SRSF4: variants seen among roughly 807,000 people sequenced by gnomAD.
SRSF4 encodes the protein serine and arginine rich splicing factor 4.
Under a neutral mutation model 48.8 loss-of-function variants are expected in SRSF4, and 12 were observed. The ratio of observed to expected loss-of-function variants is 0.25; its 90% confidence interval spans 0.16 to 0.40. The LOEUF (loss-of-function observed/expected upper bound fraction) is 0.40. Among genes scored for constraint, SRSF4 ranks in the 10% least tolerant of loss-of-function variants. The pLI, the probability that SRSF4 is intolerant of heterozygous loss-of-function variation, is 1.00. For missense variants in SRSF4, 466 were observed against 667.1 expected (o/e 0.70, Z 3.32); for synonymous variants, 248 against 232.5 (o/e 1.07, Z -0.61).
rs771583775 is a variant in SRSF4, at chr1:29,149,185, T to TGGCTCC, written c.704_709dup (p.Arg235_Ser236dup). The TGGCTCC allele has an allele frequency of 3.1e-5, 50 of 1,610,718 alleles. No individual in the cohort carries two copies. In the Middle Eastern group the frequency reaches 5.5e-4, roughly 18 times the overall value. ...CTCTTTCTTGCTCCGGCTCCGACTCTGGCTCCGGCTCCGGCTCTTGCTCCG... is the reference window on the plus strand; with the variant it reads ...CTCTTTCTTGCTCCGGCTCCGACTCTGGCTCCGGCTCCGGCTCCGGCTCTTGCTCCG... On this transcript the variant is annotated inframe_insertion, in exon 6 of 6. Transcript: ENST00000373795.
intron 2 of SRSF4, chr1:29,159,694 C>T: frequency 2.6e-6 from 1 of 386,162 alleles, no homozygotes; most frequent in Non-Finnish European, 4.6e-6. Context: ...TGTAAGTATA[C>T]ATATTCATTA....
At chr1:29,152,085 C>T (rs1183586302) in intron 4 of SRSF4, among the ~76,000 whole-genome samples, 1 of 152,056 alleles carries the variant, frequency 6.6e-6, no homozygotes, top group African/African-American at 2.4e-5. Flanking sequence ...CAAGACCAGC[C>T]TGGGTAACAT....
In SRSF4 at chr1:29,178,518, T is replaced by A. The variant is rs564755083; in HGVS notation, c.107+3128A>T. ...GCCACCATGCCCGGCTACTTTTTTT[T>A]AATTTTTATTTTCATTTTTAGTAGA... On this transcript the variant is annotated intron_variant, in intron 1 of 5. Coordinates refer to ENST00000373795, the MANE Select transcript of SRSF4 (RefSeq NM_005626.5). Among the ~76,000 whole-genome samples, 304 of 152,008 alleles carry A rather than the reference T, an allele frequency of 2.0e-3. 1 individual carries two copies. The highest frequency in any genetic ancestry group is 5.0e-3 in the South Asian group (24 of 4,804).
At chr1:29,151,972 A>G (rs192563598) in intron 4 of SRSF4, among the ~76,000 whole-genome samples, 1 of 152,286 alleles carries the variant, frequency 6.6e-6, no homozygotes, top group East Asian at 1.9e-4. Flanking sequence ...ACCAATTGCA[A>G]AAATACCTAT....
intron 1 of SRSF4, chr1:29,171,310 G>T (rs1028710623): frequency 1.3e-5 from 2 of 150,966 alleles, no homozygotes; most frequent in Non-Finnish European, 2.9e-5. Flanking sequence ...AACAAGCCCG[G>T]AAACCTGAAC....
In SRSF4 at chr1:29,148,762, C is replaced by T. The variant is rs201863361; in HGVS notation, c.1133G>A (p.Arg378Lys). The T allele has an allele frequency of 1.4e-4, 231 of 1,613,642 alleles. 1 individual carries two copies. The East Asian group carries it at 5.1e-3, about 36-fold the overall frequency. Residue 378 changes from arginine to lysine, a missense_variant, in exon 6 of 6, where the codon AGA (arginine) becomes AAA (lysine). Arg to Lys is a conservative substitution (Grantham distance 26). This residue lies in a region of SRSF4 where 402 missense variants were observed against 437.0 expected (regional missense o/e 0.92). Coordinates refer to ENST00000373795, the MANE Select transcript of SRSF4 (RefSeq NM_005626.5). ...GCTGTCTCGCTTGCTGCCTCGCTTT[C>T]TGCTCCTCTCACTCTTGCTGCGGCT... Reference protein sequence around the residue: ...SRSRSKSERSRKRGSKRDSKA... With the variant: ...SRSRSKSERSKKRGSKRDSKA...
rs753305975 is a variant in SRSF4 at position 29,148,732 on chromosome 1, G to A, written c.1163C>T (p.Ala388Val). 22 of 1,613,640 alleles carry A rather than the reference G, an allele frequency of 1.4e-5. No homozygotes were observed. Among genetic ancestry groups the A allele is most frequent in the Non-Finnish European group, 1.8e-5 (21 of 1,179,898 alleles). Residue 388 changes from alanine (A) to valine (V), a missense_variant, in exon 6 of 6, where the codon GCG (alanine) becomes GTG (valine). Physicochemically the swap from Ala to Val is moderately conservative, Grantham distance 64 (BLOSUM62 0). This residue lies in a region of SRSF4 where 402 missense variants were observed against 437.0 expected (regional missense o/e 0.92). Transcript: ENST00000373795. ...RKRGSKRDSK[A>V]GSSKKKKKED... Reference sequence around the variant, plus strand: ...CTTCTTCTTCTTCTTGCTGCTGCCCGCCTTGCTGTCTCGCTTGCTGCCTCG... The same window carrying A: ...CTTCTTCTTCTTCTTGCTGCTGCCCACCTTGCTGTCTCGCTTGCTGCCTCG...
chr1:29,166,671 CTT>C (rs981399427), intron 1 of SRSF4: 2 of 152,218 alleles, frequency 1.3e-5, no homozygotes, highest in African/African-American at 4.8e-5. Flanking sequence ...TGTGGCCTCT[CTT>C]TAGTCTCAGA....
intron 1 of SRSF4, among the ~76,000 whole-genome samples, chr1:29,164,000 AGT>A (rs1180135069): frequency 6.6e-6 from 1 of 152,210 alleles, no homozygotes; most frequent in Non-Finnish European, 1.5e-5. Flanking sequence ...TGACAGGTTA[AGT>A]GTTAAAATTA....
At chr1:29,177,103 C>G (rs1672879331) in intron 1 of SRSF4, among the ~76,000 whole-genome samples, 1 of 152,102 alleles carries the variant, frequency 6.6e-6, no homozygotes, top group South Asian at 2.1e-4. Context: ...CTAGTGTACT[C>G]AAAATTCTTT....
At chr1:29,162,302 C>G (rs185451167) in intron 1 of SRSF4, among the ~76,000 whole-genome samples, 1 of 152,276 alleles carries the variant, frequency 6.6e-6, no homozygotes, top group African/African-American at 2.4e-5. Context: ...TAAAGCCTCT[C>G]GAAATCCCTG....
In SRSF4 at chr1:29,148,293, C is replaced by G. The variant is rs1166996632; in HGVS notation, c.*117G>C. 1.5e-6 allele frequency: 2 copies of G among 1,336,954 alleles called. No homozygotes were observed. The highest frequency in any genetic ancestry group is 2.9e-5 in the African/African-American group (2 of 68,756). The allele number at this position is 1,336,954 out of a possible 1,614,324, so 82.8% of individuals were successfully genotyped here. ...CTTAGATTTAACAATTATAGACACACCATTAGGGGAGTTAAAAATGTACAG... is the reference window on the plus strand; with the variant it reads ...CTTAGATTTAACAATTATAGACACAGCATTAGGGGAGTTAAAAATGTACAG... On this transcript the variant is annotated 3_prime_UTR_variant, in exon 6 of 6. Coordinates refer to ENST00000373795, the MANE Select transcript of SRSF4 (RefSeq NM_005626.5).
rs188148707 is a variant in SRSF4 at position 29,178,749 on chromosome 1, C to T, written c.107+2897G>A. Among the ~76,000 whole-genome samples the T allele has an allele frequency of 5.1e-3, 771 of 152,294 alleles. 7 individuals are homozygous for T. Among genetic ancestry groups the T allele is most frequent in the African/African-American group, 0.017 (724 of 41,550 alleles). On this transcript the variant is annotated intron_variant, in intron 1 of 5. Coordinates refer to ENST00000373795, the MANE Select transcript of SRSF4 (RefSeq NM_005626.5). ...TGCTAGGGGACTATAAGCTTACATACGTAGCTAAGTTATGCTTTTTCTTTT... is the reference window on the plus strand; with the variant it reads ...TGCTAGGGGACTATAAGCTTACATATGTAGCTAAGTTATGCTTTTTCTTTT...
chr1:29,153,091 C>T (rs961468217), intron 4 of SRSF4, among the ~76,000 whole-genome samples: 1 of 152,130 alleles, frequency 6.6e-6, no homozygotes, highest in Non-Finnish European at 1.5e-5. Flanking sequence ...TTATTCAATA[C>T]TCATCTTCTA....
chr1:29,179,111 T>C (rs1331979879), intron 1 of SRSF4, among the ~76,000 whole-genome samples: 1 of 152,224 alleles, frequency 6.6e-6, no homozygotes, highest in East Asian at 1.9e-4. Flanking sequence ...ATCTTCCTTT[T>C]GGGTTGCTCA....
At chr1:29,159,108 A>ACAAACCAAACCAAAC (rs6143174) in intron 3 of SRSF4, among the ~76,000 whole-genome samples, 165 of 148,542 alleles carry the variant, frequency 1.1e-3, no homozygotes, top group African/African-American at 2.1e-3. Context: ...TCCATCTCAA[A>ACAAACCAAACCAAAC]CAAACCAAAC....
chr1:29,149,116 T>C lies in SRSF4; in HGVS notation c.779A>G (p.His260Arg), dbSNP rs148260597. 318 of 1,611,048 alleles carry C rather than the reference T, an allele frequency of 2.0e-4. No homozygotes were observed. The African/African-American group carries it at 3.7e-3, about 19-fold the overall frequency. The change falls in exon 6 of 6, where the codon CAT (histidine) becomes CGT (arginine). Residue 260 changes from histidine (H) to arginine (R), a missense_variant. Coordinates refer to ENST00000373795, the MANE Select transcript of SRSF4 (RefSeq NM_005626.5). ...PSKEKSRSRS[H>R]SAGKSRSKSK... is the part of the protein sequence containing the mutation. ...CTTGCTGCGGCTCTTGCCAGCGCTA[T>C]GGCTGCGGCTGCGGCTCTTTTCCTT...
intron 1 of SRSF4, among the ~76,000 whole-genome samples, chr1:29,180,894 G>A (rs1371982394): frequency 1.3e-5 from 2 of 152,210 alleles, no homozygotes; most frequent in African/African-American, 4.8e-5. Context: ...TTAACCAGAC[G>A]CAGATACTAG....
intron 1 of SRSF4, among the ~76,000 whole-genome samples, chr1:29,161,412 T>C (rs1422877086): frequency 6.6e-6 from 1 of 152,216 alleles, no homozygotes; most frequent in Admixed American, 6.5e-5. Flanking sequence ...AACCATCTTA[T>C]TGATCATAAC....
Sources: gnomAD v4.1 joint callset for allele counts (sites outside exome capture counted in the v4.1 genomes callset) on GRCh38, gnomAD v4.1.1 for gene constraint, gnomAD v4.1.1 regional missense constraint, MANE v1.5 for transcripts, NCBI Gene and HGNC (gene_info 2026-07-23, HGNC 2026-07-21) for gene names.